P4HA3: variants seen among roughly 807,000 people sequenced by gnomAD.
The protein encoded by P4HA3 is prolyl 4-hydroxylase subunit alpha 3.
A neutral mutation model predicts 66.7 loss-of-function variants in P4HA3; 60 were observed. That is an observed-to-expected ratio of 0.90 (90% CI 0.73 to 1.12). The LOEUF is 1.12. Among genes scored for constraint, P4HA3 ranks in the 50% most tolerant of loss-of-function variants. The pLI is 0.00. For synonymous variants in P4HA3, 263 were observed against 274.6 expected (o/e 0.96, Z 0.42); for missense variants, 683 against 685.8 (o/e 1.00, Z 0.05).
intron 3 of P4HA3, among the ~76,000 whole-genome samples, chr11:74,301,980 G>A (rs1861421569): frequency 4.6e-5 from 7 of 152,062 alleles, no homozygotes; most frequent in Admixed American, 4.6e-4. Context: ...TTCTACCCAG[G>A]AGTTCATGCA....
At chr11:74,287,422 G>A in intron 5 of P4HA3, 1 of 970,180 alleles carries the variant, frequency 1.0e-6, no homozygotes, top group South Asian at 1.4e-5. Context: ...AATAAAACTG[G>A]GAATCTCAAC....
In P4HA3 at chr11:74,267,179, A is replaced by G. The variant is rs1591085225; in HGVS notation, c.*69T>C. On this transcript the variant is annotated 3_prime_UTR_variant, in exon 13 of 13. Coordinates refer to ENST00000331597, the MANE Select transcript of P4HA3 (RefSeq NM_182904.5). ...AGGCTGCTCTGCTTTCTCCTCTCCT[A>G]CCCCAGCTTTTGGCTCCTGGCTTCT... The G allele has an allele frequency of 2.5e-6, 4 of 1,608,444 alleles. No homozygotes were observed. The highest frequency in any genetic ancestry group is 2.5e-6 in the Non-Finnish European group (3 of 1,178,254).
chr11:74,255,803 G>A (rs1181896350), intron 15 of P4HA3: 1 of 374,318 alleles, frequency 2.7e-6, no homozygotes, highest in Non-Finnish European at 5.4e-6. Context: ...ATTTTAACAA[G>A]TGCATCAATG....
chr11:74,261,088 C>T (rs1299204261), intron 14 of P4HA3, among the ~76,000 whole-genome samples: 1 of 152,108 alleles, frequency 6.6e-6, no homozygotes, highest in East Asian at 1.9e-4. Flanking sequence ...TGAGCTCTTG[C>T]CCCATGTCCA....
chr11:74,272,679 T>C (rs1860246478), intron 10 of P4HA3, among the ~76,000 whole-genome samples: 1 of 152,220 alleles, frequency 6.6e-6, no homozygotes, highest in Non-Finnish European at 1.5e-5. Context: ...GAGACAGTCC[T>C]AATAGAAGAG....
At chr11:74,297,478 G>T (rs931880874) in intron 4 of P4HA3, among the ~76,000 whole-genome samples, 56 of 152,182 alleles carry the variant, frequency 3.7e-4, no homozygotes, top group African/African-American at 1.3e-3. Flanking sequence ...GTTCCATGGA[G>T]ATTTTTGCAG....
Position 74,287,311 on chromosome 11 carries a change from A to T in P4HA3, c.770-920T>A, listed in dbSNP as rs1353107296. Reference sequence around the variant, plus strand: ...ATCACCCTGGCAAAGGAGGAAAGGAAGGGGCAGAAATTACCATTCTGTTTT... The same window carrying T: ...ATCACCCTGGCAAAGGAGGAAAGGATGGGGCAGAAATTACCATTCTGTTTT... On this transcript the variant is annotated intron_variant, in intron 5 of 12. Transcript: ENST00000331597. The T allele has an allele frequency of 3.9e-6, 5 of 1,289,228 alleles. No homozygotes were observed. The African/African-American group carries it at 7.6e-5, about 20-fold the overall frequency. The allele number at this position is 1,289,228 out of a possible 1,614,324, so 79.9% of individuals were successfully genotyped here.
At chr11:74,302,633 C>T in intron 2 of P4HA3, 41 bp from the exon 3 acceptor site, 2 of 1,560,572 alleles carry the variant, frequency 1.3e-6, no homozygotes, top group East Asian at 2.2e-5. Context: ...ATTCAAGAAA[C>T]AGGAGTTGGG....
intron 9 of P4HA3, among the ~76,000 whole-genome samples, chr11:74,273,881 T>C (rs61902365): frequency 2.0e-3 from 309 of 152,270 alleles, no homozygotes; most frequent in Non-Finnish European, 3.4e-3. Flanking sequence ...GAGGGGTTAA[T>C]TGCACCTTTG....
downstream of P4HA3, among the ~76,000 whole-genome samples, chr11:74,263,132 T>C (rs1234281848): frequency 6.6e-6 from 1 of 152,226 alleles, no homozygotes; most frequent in African/African-American, 2.4e-5. Context: ...TCCCACTTGA[T>C]TCTATCCAAT....
At chr11:74,252,081 C>G (rs1009397945) in intron 15 of P4HA3, among the ~76,000 whole-genome samples, 4 of 148,816 alleles carry the variant, frequency 2.7e-5, no homozygotes, top group Non-Finnish European at 5.9e-5. Context: ...CCAAGGAAAG[C>G]TGGGCAGGCC....
chr11:74,267,012 C>G lies in P4HA3; in HGVS notation c.*236G>C. 2 of 1,511,044 alleles carry G rather than the reference C, an allele frequency of 1.3e-6. No homozygotes were observed. Among genetic ancestry groups the G allele is most frequent in the Non-Finnish European group, 1.8e-6 (2 of 1,131,754 alleles). 93.6% of individuals were successfully genotyped at this position (1,511,044 alleles called of 1,614,324 possible). On this transcript the variant is annotated 3_prime_UTR_variant, in exon 13 of 13. Coordinates refer to ENST00000331597, the MANE Select transcript of P4HA3 (RefSeq NM_182904.5). ...ACTTCCCTCTCAGGCCTCCACTCCC[C>G]CCTCCTTTGTACTGTGCATCCTACT... is the stretch of plus-strand genomic sequence containing the variant.
chr11:74,302,976 G>A (rs1438286118), intron 2 of P4HA3, among the ~76,000 whole-genome samples: 2 of 147,998 alleles, frequency 1.4e-5, no homozygotes, highest in East Asian at 4.0e-4. Flanking sequence ...AATAGAGATA[G>A]GATCTTGTTC....
chr11:74,290,634 A>T (rs1226603028), intron 4 of P4HA3, among the ~76,000 whole-genome samples: 19 of 152,104 alleles, frequency 1.2e-4, no homozygotes, highest in African/African-American at 1.7e-4. Flanking sequence ...AGGTGTAAGG[A>T]AGGGATCCAG....
chr11:74,292,618 G>T (rs1362694132), intron 4 of P4HA3, among the ~76,000 whole-genome samples: 5 of 151,998 alleles, frequency 3.3e-5, no homozygotes, highest in African/African-American at 1.2e-4. Context: ...CTGCTTTGAA[G>T]CTGTCCCAGA....
At chr11:74,304,229 T>C (rs777334429) in intron 2 of P4HA3, 41 bp downstream of exon 2, 4 of 1,605,686 alleles carry the variant, frequency 2.5e-6, no homozygotes, top group Non-Finnish European at 2.6e-6. Flanking sequence ...AGTCAGGAGA[T>C]AGAATCTTCT....
At chr11:74,255,521 G>T (rs1158742679) in intron 15 of P4HA3, among the ~76,000 whole-genome samples, 1 of 152,136 alleles carries the variant, frequency 6.6e-6, no homozygotes, top group East Asian at 1.9e-4. Flanking sequence ...CTTTCTCTCT[G>T]CTGTAGTTCA....
intron 15 of P4HA3, among the ~76,000 whole-genome samples, chr11:74,252,182 C>T (rs115899936): frequency 0.015 from 2,178 of 149,572 alleles, 70 homozygotes; most frequent in African/African-American, 0.052. Flanking sequence ...GATCCAGTGC[C>T]TCAGTCTCCC....
intron 4 of P4HA3, among the ~76,000 whole-genome samples, chr11:74,291,835 G>A (rs1246322955): frequency 7.0e-6 from 1 of 142,618 alleles, no homozygotes; most frequent in East Asian, 2.1e-4. Context: ...TGTGCTGCTG[G>A]ATTCGGTTTG....
Sources: gnomAD v4.1 joint callset for allele counts (sites outside exome capture counted in the v4.1 genomes callset) on GRCh38, gnomAD v4.1.1 for gene constraint, MANE v1.5 for transcripts, NCBI Gene and HGNC (gene_info 2026-07-23, HGNC 2026-07-21) for gene names.